EFCAB11: variants seen among roughly 807,000 people sequenced by gnomAD.
The protein encoded by EFCAB11 is EF-hand calcium-binding domain-containing protein 11.
Under a neutral mutation model 23.0 loss-of-function variants are expected in EFCAB11, and 14 were observed. That is an observed-to-expected ratio of 0.61 (90% CI 0.40 to 0.95). EFCAB11 has a LOEUF of 0.95. EFCAB11 is among the 40% of genes least tolerant of loss of function. EFCAB11 has a pLI of 0.00. For synonymous variants in EFCAB11, 65 were observed against 66.6 expected (o/e 0.98, Z 0.11); for missense variants, 198 against 195.8 (o/e 1.01, Z -0.07).
intron 5 of EFCAB11, among the ~76,000 whole-genome samples, chr14:89,912,626 G>T (rs768078267): frequency 3.3e-5 from 5 of 152,172 alleles, no homozygotes; most frequent in African/African-American, 9.7e-5. Flanking sequence ...CATATTTAAA[G>T]CCATAGGAAT....
At chr14:89,798,205 C>T (rs924000435) in intron 5 of EFCAB11, among the ~76,000 whole-genome samples, 1 of 152,198 alleles carries the variant, frequency 6.6e-6, no homozygotes, top group Non-Finnish European at 1.5e-5. Flanking sequence ...ATATTTCATG[C>T]CAAAGTCTCT....
At chr14:89,936,373 A>G (rs1428321829) in intron 3 of EFCAB11, among the ~76,000 whole-genome samples, 1 of 152,214 alleles carries the variant, frequency 6.6e-6, no homozygotes, top group Non-Finnish European at 1.5e-5. Context: ...TTATTTTACA[A>G]TATTGTAGGA....
chr14:89,822,627 T>C (rs1952774), intron 5 of EFCAB11, among the ~76,000 whole-genome samples: 61,569 of 151,962 alleles, frequency 0.41, 13,768 homozygotes, highest in East Asian at 0.71. Flanking sequence ...GGTCAAATAT[T>C]GTATGGACAC....
At chr14:89,928,198 C>T (rs1296213219) in intron 5 of EFCAB11, among the ~76,000 whole-genome samples, 1 of 152,070 alleles carries the variant, frequency 6.6e-6, no homozygotes, top group Non-Finnish European at 1.5e-5. Context: ...GGCATATACT[C>T]CACAACATGA....
At chr14:89,897,639 G>A (rs76906241) in intron 5 of EFCAB11, among the ~76,000 whole-genome samples, 8,216 of 152,172 alleles carry the variant, frequency 0.054, 381 homozygotes, top group African/African-American at 0.12. Flanking sequence ...TGTAGTTCTC[G>A]GGTTGACTGC....
intron 5 of EFCAB11, among the ~76,000 whole-genome samples, chr14:89,868,914 A>G (rs974743594): frequency 2.6e-5 from 4 of 152,218 alleles, no homozygotes; most frequent in African/African-American, 9.6e-5. Flanking sequence ...ACTAGGTCTC[A>G]TCCTAGTATG....
At chr14:89,882,734 A>G (rs1888640130) in intron 5 of EFCAB11, among the ~76,000 whole-genome samples, 1 of 152,206 alleles carries the variant, frequency 6.6e-6, no homozygotes, top group Non-Finnish European at 1.5e-5. Context: ...AGTTACATAT[A>G]ATATACAATT....
intron 5 of EFCAB11, among the ~76,000 whole-genome samples, chr14:89,850,679 T>C (rs897791534): frequency 6.6e-6 from 1 of 152,234 alleles, no homozygotes; most frequent in African/African-American, 2.4e-5. Context: ...TATGTGTGTG[T>C]GTATGAATTG....
At position 89,794,892 on chromosome 14, in the gene EFCAB11, T is replaced by C. The variant is rs1049662674; in HGVS notation, c.*2351A>G. 1.3e-5 allele frequency: 2 copies of C among 151,892 alleles called. No individual in the cohort carries two copies. Among genetic ancestry groups the C allele is most frequent in the African/African-American group, 4.8e-5 (2 of 41,384 alleles). 9.4% of individuals were successfully genotyped at this position (151,892 alleles called of 1,614,324 possible). On this transcript the variant is annotated 3_prime_UTR_variant, in exon 6 of 6. Coordinates refer to ENST00000316738, the MANE Select transcript of EFCAB11 (RefSeq NM_145231.4). Reference sequence around the variant, plus strand: ...AACATTATATATGAGTAGGATACATTTGTTACAATTAATGAACCAATAGTG... The same window carrying C: ...AACATTATATATGAGTAGGATACATCTGTTACAATTAATGAACCAATAGTG...
intron 5 of EFCAB11, among the ~76,000 whole-genome samples, chr14:89,819,552 T>TGGGACTACAG (rs1020501524): frequency 6.6e-6 from 1 of 152,042 alleles, no homozygotes; most frequent in African/African-American, 2.4e-5. Context: ...CCAGAGTAGC[T>TGGGACTACAG]GGGACTACAG....
chr14:89,914,968 G>A (rs778517089), intron 5 of EFCAB11, among the ~76,000 whole-genome samples: 5 of 151,742 alleles, frequency 3.3e-5, no homozygotes, highest in East Asian at 1.9e-4. Context: ...AAACCTAGCC[G>A]CCCCCGCCCA....
At chr14:89,854,755 A>C (rs76322080) in intron 5 of EFCAB11, among the ~76,000 whole-genome samples, 4,806 of 152,132 alleles carry the variant, frequency 0.032, 110 homozygotes, top group South Asian at 0.1. Flanking sequence ...GCTACCATTC[A>C]CTCAGGCTCC....
chr14:89,908,772 A>C lies in EFCAB11; in HGVS notation c.410+22769T>G, dbSNP rs1173896635. 5.3e-5 allele frequency among the ~76,000 whole-genome samples: 8 copies of C among 152,342 alleles called. No individual in the cohort carries two copies. In the East Asian group the frequency reaches 1.5e-3, roughly 29 times the overall value. On this transcript the variant is annotated intron_variant, in intron 5 of 5. Coordinates refer to ENST00000316738, the MANE Select transcript of EFCAB11 (RefSeq NM_145231.4). ...GGTATACAATGGAGATCAATTGTGAAGTATCTAGGATACTCAACTGCAAGT... is the reference window on the plus strand; with the variant it reads ...GGTATACAATGGAGATCAATTGTGACGTATCTAGGATACTCAACTGCAAGT...
chr14:89,934,517 G>A (rs529557077), intron 3 of EFCAB11, among the ~76,000 whole-genome samples: 1 of 152,284 alleles, frequency 6.6e-6, no homozygotes, highest in East Asian at 1.9e-4. Context: ...TCAGTGCTCT[G>A]GAGACAACCA....
intron 5 of EFCAB11, among the ~76,000 whole-genome samples, chr14:89,882,540 CT>C (rs1246212604): frequency 2.6e-5 from 4 of 152,020 alleles, no homozygotes; most frequent in South Asian, 2.1e-4. Context: ...CACTCTCTCT[CT>C]TTTTTTTCTC....
At chr14:89,834,434 A>ACCTTT (rs1887004373) in intron 5 of EFCAB11, among the ~76,000 whole-genome samples, 1 of 144,170 alleles carries the variant, frequency 6.9e-6, no homozygotes, top group African/African-American at 2.5e-5. Context: ...AAGATTTGTG[A>ACCTTT]GTCTACTTGC....
intron 5 of EFCAB11, among the ~76,000 whole-genome samples, chr14:89,906,055 C>G (rs756509367): frequency 1.9e-4 from 29 of 152,014 alleles, no homozygotes; most frequent in Non-Finnish European, 3.7e-4. Context: ...GGAACATTAA[C>G]CTCTCCAAGC....
At chr14:89,843,473 C>A (rs956405176) in intron 5 of EFCAB11, among the ~76,000 whole-genome samples, 1 of 151,992 alleles carries the variant, frequency 6.6e-6, no homozygotes, top group Admixed American at 6.6e-5. Flanking sequence ...TGTAGAGATA[C>A]GGCTGTAGTA....
intron 3 of EFCAB11, among the ~76,000 whole-genome samples, chr14:89,933,704 C>A (rs1890478437): frequency 1.3e-5 from 2 of 152,092 alleles, no homozygotes; most frequent in Non-Finnish European, 2.9e-5. Flanking sequence ...GATTCCAGTC[C>A]CAAGGGAGCT....
Sources: gnomAD v4.1 joint callset for allele counts (sites outside exome capture counted in the v4.1 genomes callset) on GRCh38, gnomAD v4.1.1 for gene constraint, MANE v1.5 for transcripts, NCBI Gene and HGNC (gene_info 2026-07-23, HGNC 2026-07-21) for gene names.